The following CPA3 variants were observed in gnomAD, a reference collection of about 807,000 sequenced individuals.
The protein encoded by CPA3 is mast cell carboxypeptidase A.
CPA3 carries 52 observed loss-of-function variants against 55.8 expected under a neutral mutation model. The ratio of observed to expected loss-of-function variants is 0.93; its 90% CI spans 0.75 to 1.17. CPA3 has a LOEUF of 1.17. Ranked by LOEUF, CPA3 falls within the 50% of genes most tolerant of loss-of-function variation. The pLI, the probability that CPA3 is intolerant of heterozygous loss-of-function variation, is 0.00. For synonymous variants in CPA3, 179 were observed against 171.2 expected (o/e 1.05, Z -0.36); for missense variants, 547 against 509.1 (o/e 1.07, Z -0.72).
At chr3:148,870,780 C>T (rs1313831528) in intron 3 of CPA3, among the ~76,000 whole-genome samples, 1 of 152,172 alleles carries the variant, frequency 6.6e-6, no homozygotes, top group Non-Finnish European at 1.5e-5. Context: ...AAAAATGTAA[C>T]TACAAGACTG....
chr3:148,885,169 A>G (rs545311051), intron 9 of CPA3, among the ~76,000 whole-genome samples: 2 of 152,242 alleles, frequency 1.3e-5, no homozygotes, highest in African/African-American at 4.8e-5. Flanking sequence ...CTGAAGTCAG[A>G]TGAGTAGAGA....
intron 7 of CPA3, among the ~76,000 whole-genome samples, 167 bp downstream of exon 7, chr3:148,881,799 G>T (rs771342403): frequency 6.6e-6 from 1 of 152,060 alleles, no homozygotes; most frequent in African/African-American, 2.4e-5. Flanking sequence ...GGTTGCATAG[G>T]TATCCTTGAA....
chr3:148,868,609 C>A (rs180725837), intron 2 of CPA3, among the ~76,000 whole-genome samples: 1 of 151,964 alleles, frequency 6.6e-6, no homozygotes, highest in Non-Finnish European at 1.5e-5. Flanking sequence ...CCCATTCAAT[C>A]CCAAAATTGT....
Position 148,865,340 on chromosome 3 carries a change from T to A in CPA3, c.33T>A (p.Ala11=). 1 of 1,614,162 alleles carries A rather than the reference T, an allele frequency of 6.2e-7. No individual in the cohort carries two copies. The highest frequency in any genetic ancestry group is 8.5e-7 in the Non-Finnish European group (1 of 1,180,004). The change falls in exon 1 of 11, where the codon GCT becomes GCA. Residue 11 remains alanine (A), a synonymous_variant. Coordinates refer to ENST00000296046, the MANE Select transcript of CPA3 (RefSeq NM_001870.4). ...TCATCCTGCCTGTGGGTTTGATTGCTACCACTCTTGCAATTGCTCCTGTCC... is the reference window on the plus strand; with the variant it reads ...TCATCCTGCCTGTGGGTTTGATTGCAACCACTCTTGCAATTGCTCCTGTCC... MRLILPVGLI[A]TTLAIAPVRF... is the part of the protein sequence containing the mutation.
chr3:148,868,551 C>T (rs1461263183), intron 2 of CPA3, among the ~76,000 whole-genome samples: 2 of 152,078 alleles, frequency 1.3e-5, no homozygotes, highest in Non-Finnish European at 2.9e-5. Context: ...AGATATTTAA[C>T]TTAAATTTCC....
intron 10 of CPA3, among the ~76,000 whole-genome samples, chr3:148,890,725 TC>T (rs1714644217): frequency 6.6e-6 from 1 of 152,338 alleles, no homozygotes; most frequent in South Asian, 2.1e-4. Context: ...ATACAATTTT[TC>T]AGAAAACACT....
rs1332313537 is a variant in CPA3 at position 148,882,596 on chromosome 3, G to A, written c.778+1G>A. The A allele has an allele frequency of 6.2e-7, 1 of 1,612,198 alleles. No individual in the cohort carries two copies. Among genetic ancestry groups the A allele is most frequent in the South Asian group, 1.1e-5 (1 of 90,976 alleles). On this transcript the variant is annotated splice_donor_variant, in intron 8 of 10. Transcript: ENST00000296046. LOFTEE classifies it high-confidence loss of function. ...AGGAATTTTAATGCTTCATGGAACTGTGAGTAGCAGACTTGCTATCAAGGA... is the reference window on the plus strand; with the variant it reads ...AGGAATTTTAATGCTTCATGGAACTATGAGTAGCAGACTTGCTATCAAGGA...
At chr3:148,879,955 C>T (rs1186657536) in intron 6 of CPA3, 66 bp downstream of exon 6, 21 of 1,088,066 alleles carry the variant, frequency 1.9e-5, no homozygotes, top group East Asian at 7.2e-5. Flanking sequence ...CACTAAGTGG[C>T]GACATCTTTC....
At chr3:148,870,977 C>A (rs1367159286) in intron 3 of CPA3, among the ~76,000 whole-genome samples, 3 of 152,206 alleles carry the variant, frequency 2.0e-5, no homozygotes, top group Non-Finnish European at 4.4e-5. Context: ...GGGTTCACTG[C>A]AAGCTCCGCC....
chr3:148,877,547 C>T (rs1714242390), intron 3 of CPA3, among the ~76,000 whole-genome samples: 2 of 151,972 alleles, frequency 1.3e-5, no homozygotes, highest in South Asian at 2.1e-4. Context: ...AGGTGTAAGC[C>T]GTAAGCCTCT....
At chr3:148,877,740 T>C (rs1489309758) in intron 3 of CPA3, among the ~76,000 whole-genome samples, 2 of 152,234 alleles carry the variant, frequency 1.3e-5, no homozygotes, top group Non-Finnish European at 2.9e-5. Flanking sequence ...ATTAATAATG[T>C]ACATATGGAG....
intron 9 of CPA3, among the ~76,000 whole-genome samples, chr3:148,884,571 T>C (rs1378448361): frequency 6.6e-6 from 1 of 152,192 alleles, no homozygotes; most frequent in Non-Finnish European, 1.5e-5. Flanking sequence ...TACTGCCTCA[T>C]AAAATATTTT....
At chr3:148,892,874 G>A (rs1174255473) in intron 10 of CPA3, among the ~76,000 whole-genome samples, 1 of 57,482 alleles carries the variant, frequency 1.7e-5, no homozygotes, top group Non-Finnish European at 4.6e-5. Flanking sequence ...AGAAGCACTT[G>A]GACCTGGGAG....
At chr3:148,883,903 T>C in intron 9 of CPA3, 88 bp downstream of exon 9, 1 of 968,660 alleles carries the variant, frequency 1.0e-6, no homozygotes, top group Non-Finnish European at 1.6e-6. Flanking sequence ...GTTGAAAGAA[T>C]TTCACATTTT....
At chr3:148,893,793 C>T (rs531490282) in intron 10 of CPA3, among the ~76,000 whole-genome samples, 2 of 152,146 alleles carry the variant, frequency 1.3e-5, no homozygotes, top group Non-Finnish European at 2.9e-5. Flanking sequence ...CAGAAATGAT[C>T]TAGAGTTAAA....
chr3:148,883,890 TATGTTGAAAGAATTTCACATTTTA>T (rs1714450709), intron 9 of CPA3, 75 bp downstream of exon 9: 1 of 1,103,010 alleles, frequency 9.1e-7, no homozygotes, highest in African/African-American at 1.6e-5. Flanking sequence ...TTAACTTGGG[TATGTTGAAAGAATTTCACATTTTA>T]ATGTCAAAGA....
At chr3:148,870,504 C>T (rs1392315097) in intron 3 of CPA3, among the ~76,000 whole-genome samples, 5 of 152,084 alleles carry the variant, frequency 3.3e-5, no homozygotes, top group African/African-American at 4.8e-5. Context: ...TTCTTATTCA[C>T]GGCTTTAAAG....
At chr3:148,876,757 T>G (rs1714215399) in intron 3 of CPA3, among the ~76,000 whole-genome samples, 1 of 152,230 alleles carries the variant, frequency 6.6e-6, no homozygotes, top group South Asian at 2.1e-4. Flanking sequence ...TATTAAATTT[T>G]ACTGTAATTA....
chr3:148,894,946 A>G (rs1426939281), intron 10 of CPA3, among the ~76,000 whole-genome samples: 1 of 152,102 alleles, frequency 6.6e-6, no homozygotes, highest in Non-Finnish European at 1.5e-5. Flanking sequence ...ATTTAACAGT[A>G]TGTTTTTTCC....
Sources: allele counts gnomAD v4.1 joint callset (sites outside exome capture counted in the v4.1 genomes callset), GRCh38; gene constraint gnomAD v4.1.1; transcripts MANE v1.5; gene names NCBI Gene and HGNC (gene_info 2026-07-23, HGNC 2026-07-21).